Variants in GRM7 observed in about 807,000 individuals in gnomAD.
GRM7 encodes glutamate metabotropic receptor 7, also known as metabotropic glutamate receptor 7.
A neutral mutation model predicts 84.5 loss-of-function variants in GRM7; 35 were observed. The observed-to-expected ratio is 0.41, with a 90% CI of 0.32 to 0.55. GRM7 has a LOEUF of 0.55. Ranked by LOEUF, GRM7 falls within the 20% of genes least tolerant of loss-of-function variation. The probability of loss-of-function intolerance (pLI) is 0.19; values close to 1 mark genes in which losing one functional copy is unlikely to be tolerated. For synonymous variants in GRM7, 487 were observed against 455.1 expected, an observed-to-expected ratio of 1.07 and a Z score of -0.89; for missense variants, 1,003 against 1,194.6, an observed-to-expected ratio of 0.84 and a Z score of 2.36.
intron 2 of GRM7, among the ~76,000 whole-genome samples, chr3:7,223,593 A>C (rs541510820): frequency 1.3e-5 from 2 of 152,048 alleles, no homozygotes; most frequent in African/African-American, 4.8e-5. Context: ...GAAATGTTTT[A>C]TATTTTATTT....
intron 7 of GRM7, among the ~76,000 whole-genome samples, chr3:7,497,228 T>C (rs1202210802): frequency 6.6e-6 from 1 of 152,076 alleles, no homozygotes; most frequent in African/African-American, 2.4e-5. Context: ...CAGTCATGTG[T>C]AAACCTACAA....
chr3:7,525,493 G>A (rs6765609), intron 7 of GRM7, among the ~76,000 whole-genome samples: 93,297 of 151,916 alleles, frequency 0.61, 29,693 homozygotes, highest in African/African-American at 0.79. Flanking sequence ...AGCTGGGATT[G>A]CAGGTATCCA....
intron 9 of GRM7, among the ~76,000 whole-genome samples, chr3:7,707,582 T>G (rs1246157176): frequency 6.6e-6 from 1 of 152,198 alleles, no homozygotes; most frequent in Non-Finnish European, 1.5e-5. Flanking sequence ...CATCTATTTT[T>G]TTTAATAATT....
intron 4 of GRM7, among the ~76,000 whole-genome samples, chr3:7,375,477 C>G (rs1694311666): frequency 6.6e-6 from 1 of 152,138 alleles, no homozygotes; most frequent in Non-Finnish European, 1.5e-5. Flanking sequence ...ATCAGCCTCC[C>G]AAAGTGCTGG....
intron 1 of GRM7, among the ~76,000 whole-genome samples, chr3:6,910,459 A>G (rs1230894494): frequency 6.6e-6 from 1 of 152,136 alleles, no homozygotes; most frequent in Admixed American, 6.6e-5. Flanking sequence ...CTGAGTTAAA[A>G]CAGAAGGGGA....
intron 9 of GRM7, among the ~76,000 whole-genome samples, chr3:7,704,215 G>A (rs888222381): frequency 1.4e-4 from 22 of 152,118 alleles, no homozygotes; most frequent in African/African-American, 3.6e-4. Flanking sequence ...GTTTTAAAGC[G>A]GTTGAATGTT....
intron 2 of GRM7, among the ~76,000 whole-genome samples, chr3:7,264,885 C>T (rs1698577690): frequency 6.6e-6 from 1 of 152,096 alleles, no homozygotes; most frequent in Non-Finnish European, 1.5e-5. Context: ...ATGCATTACA[C>T]CTTCCTGCTA....
chr3:7,002,475 A>G (rs775472349), intron 1 of GRM7, among the ~76,000 whole-genome samples: 61 of 152,300 alleles, frequency 4.0e-4, no homozygotes, highest in South Asian at 2.1e-3. Context: ...AGAAACTTAA[A>G]TACATATTAG....
In GRM7 at chr3:7,258,538, A is replaced by T. The variant is rs897244393; in HGVS notation, c.737-40146A>T. Among the ~76,000 whole-genome samples, 7 of 152,330 alleles carry T rather than the reference A, an allele frequency of 4.6e-5. No homozygotes were observed. The East Asian group carries it at 1.3e-3, about 29-fold the overall frequency. On this transcript the variant is annotated intron_variant, in intron 2 of 9. Transcript: ENST00000357716. ...GTAGTAGCCACAGACAAATGGTTTC[A>T]TTGGGGTTAAATTATCTGATCCTCC... is the stretch of plus-strand genomic sequence containing the variant.
At chr3:7,098,879 T>C (rs2125017220) in intron 1 of GRM7, among the ~76,000 whole-genome samples, 1 of 152,058 alleles carries the variant, frequency 6.6e-6, no homozygotes, top group South Asian at 2.1e-4. Flanking sequence ...AGATAAATAA[T>C]TCTTTCTTTC....
At chr3:7,347,595 T>G (rs1692948391) in intron 4 of GRM7, among the ~76,000 whole-genome samples, 1 of 152,210 alleles carries the variant, frequency 6.6e-6, no homozygotes, top group African/African-American at 2.4e-5. Flanking sequence ...CATAATTGTT[T>G]GGAGATCTGC....
At chr3:6,908,969 C>T (rs1357630013) in intron 1 of GRM7, among the ~76,000 whole-genome samples, 4 of 151,976 alleles carry the variant, frequency 2.6e-5, no homozygotes, top group East Asian at 3.9e-4. Context: ...AATTCATGAT[C>T]GACATCATAT....
intron 2 of GRM7, among the ~76,000 whole-genome samples, chr3:7,277,627 C>A (rs892592181): frequency 6.6e-6 from 1 of 152,136 alleles, no homozygotes; most frequent in African/African-American, 2.4e-5. Context: ...TCCTTTCTTA[C>A]ACATTTTCTT....
chr3:7,402,019 T>C (rs1695474462), intron 4 of GRM7, among the ~76,000 whole-genome samples: 5 of 152,166 alleles, frequency 3.3e-5, no homozygotes, highest in Admixed American at 2.6e-4. Context: ...TTGAACATTG[T>C]TAAAAATGTA....
chr3:6,905,669 A>G (rs1054027531), intron 1 of GRM7, among the ~76,000 whole-genome samples: 8 of 152,248 alleles, frequency 5.3e-5, no homozygotes, highest in East Asian at 3.9e-4. Flanking sequence ...TCTCTCCTTC[A>G]GGGAAGTAAT....
intron 4 of GRM7, among the ~76,000 whole-genome samples, chr3:7,372,143 C>T (rs985839511): frequency 2.6e-5 from 4 of 151,994 alleles, no homozygotes; most frequent in Non-Finnish European, 5.9e-5. Context: ...GAAGTCTGGG[C>T]ACTGTGGGAA....
At chr3:7,433,503 G>GCT (rs1696917892) in intron 5 of GRM7, among the ~76,000 whole-genome samples, 1 of 152,194 alleles carries the variant, frequency 6.6e-6, no homozygotes. Flanking sequence ...AGGCCAGGTA[G>GCT]AAGGGTATGT....
chr3:7,359,618 G>T (rs1004376743), intron 4 of GRM7, among the ~76,000 whole-genome samples: 1 of 148,018 alleles, frequency 6.8e-6, no homozygotes, highest in East Asian at 1.9e-4. Flanking sequence ...TACCCAAAGC[G>T]CTGAGCCACC....
intron 4 of GRM7, among the ~76,000 whole-genome samples, chr3:7,370,670 G>A (rs1694092954): frequency 6.8e-6 from 1 of 147,574 alleles, no homozygotes; most frequent in Non-Finnish European, 1.5e-5. Context: ...AGGACAAAAA[G>A]AATAATGTCT....
Sources: gnomAD v4.1 joint callset for allele counts (sites outside exome capture counted in the v4.1 genomes callset) on GRCh38, gnomAD v4.1.1 for gene constraint, MANE v1.5 for transcripts, NCBI Gene and HGNC (gene_info 2026-07-23, HGNC 2026-07-21) for gene names.